The following PDGFRL variants were observed in gnomAD, a reference collection of about 807,000 sequenced individuals.
The protein encoded by PDGFRL is platelet derived growth factor receptor like.
In PDGFRL, 46 loss-of-function variants were observed where a neutral mutation model predicts 37.2. The ratio of observed to expected loss-of-function variants is 1.24; its 90% CI spans 0.98 to 1.58. The LOEUF is 1.58. PDGFRL is among the 40% of genes most tolerant of loss of function. PDGFRL has a pLI of 0.00. For missense variants in PDGFRL, 692 were observed against 467.6 expected (o/e 1.48, Z -4.43); for synonymous variants, 251 against 184.3 (o/e 1.36, Z -2.93).
chr8:17,628,587 G>A lies in PDGFRL; in HGVS notation c.606G>A (p.Ser202=), dbSNP rs767451478. 4 of 1,613,984 alleles carry A rather than the reference G, an allele frequency of 2.5e-6. No homozygotes were observed. In the Admixed American group the frequency reaches 5.0e-5, roughly 20 times the overall value. Residue 202 remains serine (S), a synonymous_variant, in exon 4 of 6, where the codon TCG becomes TCA. Coordinates refer to ENST00000251630, the MANE Select transcript of PDGFRL (RefSeq NM_001372073.1). ...AVVPCRVTVL[S]AKVTLHREFP... is the part of the protein sequence containing the mutation. Reference sequence around the variant, plus strand: ...TTCCTTGTCGGGTGACCGTGCTGTCGGCCAAAGTCACGCTCCACAGGGAAT... The same window carrying A: ...TTCCTTGTCGGGTGACCGTGCTGTCAGCCAAAGTCACGCTCCACAGGGAAT...
intron 2 of PDGFRL, among the ~76,000 whole-genome samples, chr8:17,604,479 G>C (rs1032748950): frequency 2.0e-5 from 3 of 151,956 alleles, no homozygotes; most frequent in African/African-American, 7.3e-5. Context: ...GCAAACTGTC[G>C]TAAGGACAAA....
chr8:17,618,864 C>T (rs1272607471), intron 2 of PDGFRL, among the ~76,000 whole-genome samples: 1 of 151,908 alleles, frequency 6.6e-6, no homozygotes, highest in South Asian at 2.1e-4. Flanking sequence ...GGGTAGAGAA[C>T]AAGGAAGTCA....
chr8:17,576,838 G>C (rs1213818504), upstream of PDGFRL: 5 of 313,242 alleles, frequency 1.6e-5, no homozygotes, highest in South Asian at 1.6e-4. Context: ...CTCAGGTTCT[G>C]CCTGAGGAGG....
intron 2 of PDGFRL, among the ~76,000 whole-genome samples, chr8:17,600,812 A>AC (rs1486519279): frequency 7.9e-5 from 11 of 139,386 alleles, no homozygotes; most frequent in African/African-American, 2.9e-4. Context: ...TAAAAAAAAA[A>AC]AACAAAAAAA....
Position 17,642,478 on chromosome 8 carries a change from C to A in PDGFRL, c.940-135C>A, listed in dbSNP as rs183667226. The A allele has an allele frequency of 5.4e-4, 347 of 648,114 alleles. No homozygotes were observed. In the African/African-American group the frequency reaches 5.7e-3, roughly 11 times the overall value. The allele number at this position is 648,114 out of a possible 1,614,324, so 40.1% of individuals were successfully genotyped here. A position where few individuals can be genotyped will look rare whatever the true frequency, so the allele number is the denominator to read the frequency against. Reference sequence around the variant, plus strand: ...TGTAGAAGCTTCCACAGCTTATGAGCTACGCATACTAAACAGTCTTTTATA... The same window carrying A: ...TGTAGAAGCTTCCACAGCTTATGAGATACGCATACTAAACAGTCTTTTATA... On this transcript the variant is annotated intron_variant, in intron 5 of 5. Transcript: ENST00000251630.
At chr8:17,634,261 C>G in intron 5 of PDGFRL, 48 bp downstream of exon 5, 1 of 1,479,926 alleles carries the variant, frequency 6.8e-7, no homozygotes, top group South Asian at 1.3e-5. Context: ...GCCTCTGCAT[C>G]TCAGCCAGCC....
chr8:17,587,875 C>T (rs1252697834), intron 1 of PDGFRL, among the ~76,000 whole-genome samples: 1 of 152,150 alleles, frequency 6.6e-6, no homozygotes, highest in Non-Finnish European at 1.5e-5. Context: ...ACTGATCCAC[C>T]TGCGTTGGCC....
At chr8:17,609,594 C>A (rs2517201) in intron 2 of PDGFRL, among the ~76,000 whole-genome samples, 1,549 of 134,108 alleles carry the variant, frequency 0.012, 41 homozygotes, top group African/African-American at 0.042. Context: ...GCTGAGATCA[C>A]GCCACTGCAC....
At chr8:17,614,672 A>T (rs1221005038) in intron 2 of PDGFRL, among the ~76,000 whole-genome samples, 1 of 152,200 alleles carries the variant, frequency 6.6e-6, no homozygotes, top group East Asian at 1.9e-4. Context: ...TCCAGCTCCC[A>T]GGCTCAAGTG....
chr8:17,606,964 G>C (rs1171225836), intron 2 of PDGFRL, among the ~76,000 whole-genome samples: 2 of 139,820 alleles, frequency 1.4e-5, no homozygotes, highest in Non-Finnish European at 3.0e-5. Context: ...GGTGCAATCT[G>C]GGCTCACTGC....
chr8:17,596,004 G>C (rs1804044495), intron 2 of PDGFRL, among the ~76,000 whole-genome samples: 1 of 152,206 alleles, frequency 6.6e-6, no homozygotes, highest in African/African-American at 2.4e-5. Flanking sequence ...CTGGCAGATG[G>C]GGCCGTTGAC....
intron 2 of PDGFRL, among the ~76,000 whole-genome samples, chr8:17,620,842 C>G (rs1437726743): frequency 2.2e-5 from 3 of 133,714 alleles, no homozygotes; most frequent in Non-Finnish European, 4.6e-5. Context: ...TTCCTGATTT[C>G]TTTTTTTTCA....
rs1399841927 is a variant in PDGFRL at position 17,610,853 on chromosome 8, G to A, written c.354-10198G>A. ...TTGAACCCAGGAGGCAGAGGTTGCA[G>A]TGAGCCGAGATCACACCACTGCACT... On this transcript the variant is annotated intron_variant, in intron 2 of 5. Transcript: ENST00000251630. 2.0e-5 allele frequency among the ~76,000 whole-genome samples: 3 copies of A among 152,110 alleles called. No individual in the cohort carries two copies. In the East Asian group the frequency reaches 5.8e-4, roughly 29 times the overall value.
Position 17,628,732 on chromosome 8 carries a change from G to C in PDGFRL, c.751G>C (p.Gly251Arg), listed in dbSNP as rs1220398524. 1.9e-6 allele frequency: 3 copies of C among 1,612,958 alleles called. No homozygotes were observed. The highest frequency in any genetic ancestry group is 1.7e-6 in the Non-Finnish European group (2 of 1,178,922). Residue 251 changes from glycine to arginine, a missense_variant, in exon 4 of 6, where the codon GGG becomes CGG. Physicochemically the swap from Gly to Arg is moderately radical, Grantham distance 125 (BLOSUM62 -2). Coordinates refer to ENST00000251630, the MANE Select transcript of PDGFRL (RefSeq NM_001372073.1). Reference sequence around the variant, plus strand: ...TGTGGTTTACTGCAGGGCGGAGGCCGGGGGCAGATCTCAGATCTCCGTCAA... The same window carrying C: ...TGTGGTTTACTGCAGGGCGGAGGCCCGGGGCAGATCTCAGATCTCCGTCAA... ...QGVVYCRAEA[G>R]GRSQISVKYQ...
intron 1 of PDGFRL, among the ~76,000 whole-genome samples, chr8:17,588,321 C>T (rs755512518): frequency 2.6e-5 from 4 of 152,116 alleles, no homozygotes; most frequent in East Asian, 1.9e-4. Context: ...ACCTAGACAT[C>T]GCCAGCCCCT....
At chr8:17,640,273 T>C (rs1016105522) in intron 5 of PDGFRL, among the ~76,000 whole-genome samples, 2 of 152,246 alleles carry the variant, frequency 1.3e-5, no homozygotes, top group Non-Finnish European at 2.9e-5. Context: ...GAATTCTTTT[T>C]CTGGCAATTC....
chr8:17,595,676 G>T (rs989066997), intron 2 of PDGFRL, among the ~76,000 whole-genome samples: 1 of 152,190 alleles, frequency 6.6e-6, no homozygotes, highest in Non-Finnish European at 1.5e-5. Flanking sequence ...CCTACTACCC[G>T]CCCCTTTTTC....
chr8:17,632,388 T>C (rs1804881097), intron 4 of PDGFRL, among the ~76,000 whole-genome samples: 2 of 152,006 alleles, frequency 1.3e-5, no homozygotes, highest in Non-Finnish European at 1.5e-5. Flanking sequence ...TTGCCCAGGC[T>C]GGAGTGCAGT....
intron 2 of PDGFRL, among the ~76,000 whole-genome samples, chr8:17,596,847 G>A (rs908387740): frequency 6.6e-6 from 1 of 152,230 alleles, no homozygotes; most frequent in Non-Finnish European, 1.5e-5. Context: ...TTTCACACCA[G>A]AGATTCAAGA....
Sources: allele counts gnomAD v4.1 joint callset (sites outside exome capture counted in the v4.1 genomes callset), GRCh38; gene constraint gnomAD v4.1.1; transcripts MANE v1.5; gene names NCBI Gene and HGNC (gene_info 2026-07-23, HGNC 2026-07-21).